Variants in CRACD observed in about 807,000 individuals in gnomAD.
The protein encoded by CRACD is capping protein inhibiting regulator of actin dynamics.
A neutral mutation model predicts 106.8 loss-of-function variants in CRACD; 56 were observed. The ratio of observed to expected loss-of-function variants is 0.52; its 90% CI spans 0.42 to 0.66. The LOEUF is 0.66. Among genes scored for constraint, CRACD ranks in the 30% least tolerant of loss-of-function variants. CRACD has a pLI of 0.00. For missense variants in CRACD, 1,730 were observed against 1,623.2 expected, an observed-to-expected ratio of 1.07 and a Z score of -1.13; for synonymous variants, 754 against 670.8, an observed-to-expected ratio of 1.12 and a Z score of -1.92.
chr4:56,231,571 G>A (rs1351707238), intron 2 of CRACD, among the ~76,000 whole-genome samples: 2 of 152,128 alleles, frequency 1.3e-5, no homozygotes, highest in Non-Finnish European at 2.9e-5. Context: ...TAGGAAGAAC[G>A]AGAAGCTACC....
chr4:56,173,933 G>A (rs572569908), intron 1 of CRACD, among the ~76,000 whole-genome samples: 1 of 152,200 alleles, frequency 6.6e-6, no homozygotes, highest in Admixed American at 6.5e-5. Flanking sequence ...GGTGTGAGGT[G>A]GTATCTCATC....
At chr4:56,211,622 C>T (rs1230822398) in intron 2 of CRACD, among the ~76,000 whole-genome samples, 1 of 152,212 alleles carries the variant, frequency 6.6e-6, no homozygotes, top group Non-Finnish European at 1.5e-5. Flanking sequence ...GGGTCAGCCA[C>T]CCATGGTCGG....
chr4:56,300,806 A>G (rs1047195409), intron 4 of CRACD, among the ~76,000 whole-genome samples: 122 of 152,224 alleles, frequency 8.0e-4, no homozygotes, highest in African/African-American at 2.6e-3. Context: ...AAAGTATACT[A>G]TATAATTCTG....
intron 2 of CRACD, among the ~76,000 whole-genome samples, chr4:56,243,063 A>T (rs4865074): frequency 6.6e-6 from 1 of 152,104 alleles, no homozygotes; most frequent in Admixed American, 6.6e-5. Flanking sequence ...CTTTTTACTA[A>T]TAGAACTTCC....
At chr4:56,253,494 C>T (rs2109593721) in intron 2 of CRACD, among the ~76,000 whole-genome samples, 1 of 152,276 alleles carries the variant, frequency 6.6e-6, no homozygotes, top group Middle Eastern at 3.4e-3. Flanking sequence ...ATCTTTAAGA[C>T]TCCAGGGTTT....
At chr4:56,281,611 C>G (rs906024060) in intron 3 of CRACD, among the ~76,000 whole-genome samples, 13 of 152,192 alleles carry the variant, frequency 8.5e-5, no homozygotes, top group African/African-American at 2.7e-4. Flanking sequence ...CTTTAAAAAG[C>G]AGGTTAATAT....
intron 2 of CRACD, among the ~76,000 whole-genome samples, chr4:56,228,414 G>A (rs73240532): frequency 0.013 from 1,915 of 152,140 alleles, 23 homozygotes; most frequent in South Asian, 0.02. Flanking sequence ...TAATTGCTTA[G>A]GTGGAAGGTT....
intron 1 of CRACD, among the ~76,000 whole-genome samples, chr4:56,051,385 T>G (rs777837765): frequency 6.6e-6 from 1 of 152,202 alleles, no homozygotes; most frequent in Non-Finnish European, 1.5e-5. Context: ...GTGTGTTTCT[T>G]CCAAGAATGG....
chr4:56,215,128 G>A (rs564034464), intron 2 of CRACD, among the ~76,000 whole-genome samples: 31 of 152,252 alleles, frequency 2.0e-4, no homozygotes, highest in African/African-American at 6.5e-4. Context: ...TCCCACCTCA[G>A]CCTCCCAAGT....
At chr4:56,219,022 G>T (rs1165293129) in intron 2 of CRACD, among the ~76,000 whole-genome samples, 4 of 152,064 alleles carry the variant, frequency 2.6e-5, no homozygotes, top group Admixed American at 2.0e-4. Context: ...TGTTATGAAA[G>T]AATCTATAAT....
At chr4:56,194,610 T>C (rs566053643) in intron 2 of CRACD, among the ~76,000 whole-genome samples, 3 of 152,270 alleles carry the variant, frequency 2.0e-5, no homozygotes, top group African/African-American at 7.2e-5. Context: ...GGATTAATGT[T>C]TTTATGAAGG....
At chr4:56,239,782 G>A (rs951924477) in intron 2 of CRACD, among the ~76,000 whole-genome samples, 6 of 152,020 alleles carry the variant, frequency 3.9e-5, no homozygotes, top group African/African-American at 9.7e-5. Context: ...TGGGACCCCC[G>A]CTCCCACCCC....
intron 3 of CRACD, among the ~76,000 whole-genome samples, chr4:56,289,945 T>C (rs1743609724): frequency 6.6e-6 from 1 of 152,230 alleles, no homozygotes; most frequent in Non-Finnish European, 1.5e-5. Flanking sequence ...CCTCAGCTTC[T>C]CCATCCATAA....
At chr4:56,157,709 T>G (rs1047843345) in intron 1 of CRACD, among the ~76,000 whole-genome samples, 3 of 152,172 alleles carry the variant, frequency 2.0e-5, no homozygotes, top group Non-Finnish European at 4.4e-5. Context: ...TACAGAAGTT[T>G]TCAGGGGAGT....
At chr4:56,306,235 T>C (rs929166746) in intron 4 of CRACD, among the ~76,000 whole-genome samples, 26 of 152,290 alleles carry the variant, frequency 1.7e-4, no homozygotes, top group African/African-American at 6.0e-4. Context: ...GGCTCATGCC[T>C]GTAATCCCAG....
intron 3 of CRACD, among the ~76,000 whole-genome samples, chr4:56,283,254 C>T (rs948570265): frequency 5.9e-5 from 9 of 152,116 alleles, no homozygotes; most frequent in Non-Finnish European, 1.0e-4. Context: ...AATCACAATA[C>T]AGGGAGTTGT....
intron 2 of CRACD, among the ~76,000 whole-genome samples, chr4:56,191,769 C>T (rs967835197): frequency 6.6e-6 from 1 of 152,224 alleles, no homozygotes; most frequent in Non-Finnish European, 1.5e-5. Context: ...AAAGTGAATT[C>T]TGAGTTGTGA....
At chr4:56,091,094 C>A (rs1018652544) in intron 1 of CRACD, among the ~76,000 whole-genome samples, 3 of 151,650 alleles carry the variant, frequency 2.0e-5, no homozygotes. Context: ...TCTCTGTTGC[C>A]CAGGGTGGGG....
chr4:56,138,599 AT>A (rs1195722289), intron 1 of CRACD, among the ~76,000 whole-genome samples: 1 of 152,212 alleles, frequency 6.6e-6, no homozygotes, highest in Non-Finnish European at 1.5e-5. Flanking sequence ...ACAAAAAAAA[AT>A]CACTAACACT....
Sources: gnomAD v4.1 joint callset for allele counts (sites outside exome capture counted in the v4.1 genomes callset) on GRCh38, gnomAD v4.1.1 for gene constraint, MANE v1.5 for transcripts, NCBI Gene and HGNC (gene_info 2026-07-23, HGNC 2026-07-21) for gene names.